The following MACROD2 variants were observed in gnomAD, a reference collection of about 807,000 sequenced individuals.
The protein encoded by MACROD2 is mono-ADP ribosylhydrolase 2, also known as ADP-ribose glycohydrolase MACROD2.
In MACROD2, 36 loss-of-function variants were observed where a neutral mutation model predicts 70.4. The observed-to-expected ratio is 0.51, with a 90% CI of 0.39 to 0.68. The LOEUF is 0.68. MACROD2 is among the 30% of genes least tolerant of loss of function. MACROD2 has a pLI of 0.00. For missense variants in MACROD2, 496 were observed against 538.4 expected, an observed-to-expected ratio of 0.92 and a Z score of 0.78; for synonymous variants, 172 against 178.8, an observed-to-expected ratio of 0.96 and a Z score of 0.30.
At chr20:15,774,396 T>C (rs2051686906) in intron 8 of MACROD2, among the ~76,000 whole-genome samples, 1 of 152,208 alleles carries the variant, frequency 6.6e-6, no homozygotes, top group Non-Finnish European at 1.5e-5. Flanking sequence ...TTTTCCTTTT[T>C]ATACTGTGCT....
At chr20:15,898,396 C>T (rs2065006965) in intron 10 of MACROD2, among the ~76,000 whole-genome samples, 1 of 151,840 alleles carries the variant, frequency 6.6e-6, no homozygotes, top group Non-Finnish European at 1.5e-5. Context: ...ACTAAAAATA[C>T]AAAAATTAGC....
chr20:16,049,122 T>C (rs140053463), intron 17 of MACROD2, among the ~76,000 whole-genome samples: 2 of 151,784 alleles, frequency 1.3e-5, no homozygotes. Context: ...TTTATGGAGA[T>C]AGAAATCAGA....
intron 5 of MACROD2, among the ~76,000 whole-genome samples, chr20:15,076,016 A>G (rs952734194): frequency 6.6e-6 from 1 of 152,220 alleles, no homozygotes; most frequent in African/African-American, 2.4e-5. Context: ...AACTATCAAA[A>G]CTTCATAAAA....
intron 3 of MACROD2, among the ~76,000 whole-genome samples, chr20:14,450,644 A>G (rs1260895682): frequency 2.0e-5 from 3 of 152,252 alleles, no homozygotes; most frequent in African/African-American, 7.2e-5. Flanking sequence ...GGAGTTTATA[A>G]CATTTTAAGT....
chr20:14,924,980 A>G (rs966425688), intron 5 of MACROD2, among the ~76,000 whole-genome samples: 1 of 152,066 alleles, frequency 6.6e-6, no homozygotes, highest in African/African-American at 2.4e-5. Context: ...AGATTGGGTT[A>G]AATATCTCCT....
At chr20:15,671,557 T>C (rs2021762) in intron 8 of MACROD2, among the ~76,000 whole-genome samples, 8,274 of 152,224 alleles carry the variant, frequency 0.054, 337 homozygotes, top group Non-Finnish European at 0.078. Flanking sequence ...ATAGAATCCT[T>C]AATGGAAAAA....
intron 5 of MACROD2, among the ~76,000 whole-genome samples, chr20:14,933,069 A>G (rs538502368): frequency 1.3e-5 from 2 of 152,022 alleles, no homozygotes; most frequent in African/African-American, 4.8e-5. Context: ...AACTCTTTTA[A>G]CGTAACCTTT....
intron 5 of MACROD2, among the ~76,000 whole-genome samples, chr20:14,780,967 G>C (rs570181392): frequency 2.0e-5 from 3 of 152,128 alleles, no homozygotes; most frequent in Middle Eastern, 3.4e-3. Context: ...GTGATATTTT[G>C]ATACATGTAT....
At chr20:14,739,679 A>G (rs2071710420) in intron 5 of MACROD2, among the ~76,000 whole-genome samples, 1 of 152,064 alleles carries the variant, frequency 6.6e-6, no homozygotes, top group Non-Finnish European at 1.5e-5. Flanking sequence ...TGTTGTCATA[A>G]TTATGTTTGG....
chr20:14,326,810 C>T lies in MACROD2; in HGVS notation c.272-166669C>T. Reference sequence around the variant, plus strand: ...GGTGCAGCAGTCAGGGAATTCCGCACCAGGGACAGCTCTGTCAAATTAACT... The same window carrying T: ...GGTGCAGCAGTCAGGGAATTCCGCATCAGGGACAGCTCTGTCAAATTAACT... On this transcript the variant is annotated intron_variant, in intron 3 of 17. Transcript: ENST00000684519. This position sits in a 1 kb window ranked among gnomAD's most constrained non-coding sequence, Gnocchi z 5.5. 2 of 1,613,600 alleles carry T rather than the reference C, an allele frequency of 1.2e-6. No homozygotes were observed.
At chr20:14,149,717 T>A (rs1469258439) in intron 3 of MACROD2, among the ~76,000 whole-genome samples, 2 of 152,190 alleles carry the variant, frequency 1.3e-5, no homozygotes. Context: ...GTGGTTTTGA[T>A]GTGCATTTCT....
At chr20:14,291,317 A>G (rs1156924091) in intron 3 of MACROD2, among the ~76,000 whole-genome samples, 4 of 152,220 alleles carry the variant, frequency 2.6e-5, no homozygotes, top group African/African-American at 7.2e-5. Context: ...GATTACTTTT[A>G]GCTGTGGGAA....
At chr20:14,604,044 C>T (rs1220340146) in intron 4 of MACROD2, among the ~76,000 whole-genome samples, 1 of 152,168 alleles carries the variant, frequency 6.6e-6, no homozygotes, top group African/African-American at 2.4e-5. Context: ...GATGCTTTTG[C>T]TCCCTCTGAC....
chr20:14,712,399 G>A (rs368751056), intron 5 of MACROD2, among the ~76,000 whole-genome samples: 4 of 152,216 alleles, frequency 2.6e-5, no homozygotes, highest in South Asian at 2.1e-4. Context: ...AATAGTGCCC[G>A]TCTAAAAAGT....
At chr20:15,635,426 T>G (rs2146760155) in intron 8 of MACROD2, among the ~76,000 whole-genome samples, 1 of 152,328 alleles carries the variant, frequency 6.6e-6, no homozygotes, top group Middle Eastern at 3.4e-3. Context: ...AATGAAATCA[T>G]GTCCTCTGCA....
chr20:15,142,210 CAATAA>C (rs1237511724), intron 5 of MACROD2, among the ~76,000 whole-genome samples: 4 of 152,134 alleles, frequency 2.6e-5, no homozygotes, highest in Non-Finnish European at 2.9e-5. Context: ...TACTAAGACT[CAATAA>C]ATACATGCAA....
At chr20:15,517,665 C>G (rs2047587651) in intron 8 of MACROD2, among the ~76,000 whole-genome samples, 1 of 152,144 alleles carries the variant, frequency 6.6e-6, no homozygotes, top group Admixed American at 6.5e-5. Flanking sequence ...AGACAGCAAT[C>G]AGCGACAAAG....
At position 15,016,937 on chromosome 20, in the gene MACROD2, A is replaced by C. The variant is rs555801694; in HGVS notation, c.419-213003A>C. 3.3e-5 allele frequency among the ~76,000 whole-genome samples: 5 copies of C among 152,250 alleles called. No homozygotes were observed. In the East Asian group the frequency reaches 9.7e-4, roughly 30 times the overall value. On this transcript the variant is annotated intron_variant, in intron 5 of 17. Transcript: ENST00000684519. ...TCCCACAACAAGTGGGAATTCTGGG[A>C]GATACAATTCAAGTTGAGATTCTGG...
At chr20:15,103,982 T>C (rs769107034) in intron 5 of MACROD2, among the ~76,000 whole-genome samples, 1 of 152,074 alleles carries the variant, frequency 6.6e-6, no homozygotes, top group Non-Finnish European at 1.5e-5. Flanking sequence ...GCAATCTGAT[T>C]TACAGTTTTA....
Sources: gnomAD v4.1 joint callset for allele counts (sites outside exome capture counted in the v4.1 genomes callset) on GRCh38, gnomAD v4.1.1 for gene constraint, Gnocchi (gnomAD v3.1) non-coding constraint, MANE v1.5 for transcripts, NCBI Gene and HGNC (gene_info 2026-07-23, HGNC 2026-07-21) for gene names.